DNASE1: variants seen among roughly 807,000 people sequenced by gnomAD.
DNASE1 encodes deoxyribonuclease 1.
In DNASE1, 40 loss-of-function variants were observed where a neutral mutation model predicts 33.9. The observed-to-expected ratio is 1.18, with a 90% CI of 0.92 to 1.54. DNASE1 has a LOEUF of 1.54. DNASE1 is among the 40% of genes most tolerant of loss of function. The pLI, the probability that DNASE1 is intolerant of heterozygous loss-of-function variation, is 0.00. For synonymous variants in DNASE1, 216 were observed against 160.0 expected (o/e 1.35, Z -2.64); for missense variants, 518 against 372.6 (o/e 1.39, Z -3.21).
At chr16:3,625,415 C>T (rs1323422003) in intron 1 of DNASE1, among the ~76,000 whole-genome samples, 1 of 151,990 alleles carries the variant, frequency 6.6e-6, no homozygotes, top group African/African-American at 2.4e-5. Flanking sequence ...GCCCATGGTT[C>T]AAGGCCAGCC....
intron 1 of DNASE1, among the ~76,000 whole-genome samples, chr16:3,623,583 C>G (rs1444099236): frequency 6.6e-6 from 1 of 151,852 alleles, no homozygotes; most frequent in African/African-American, 2.4e-5. Flanking sequence ...AAGCCTCTGG[C>G]AAAGGACTAA....
downstream of DNASE1, chr16:3,658,300 A>T: frequency 2.4e-6 from 3 of 1,251,754 alleles, no homozygotes; most frequent in Non-Finnish European, 3.4e-6. Flanking sequence ...TTTTTGAGAC[A>T]GAGTCTCACT....
upstream of DNASE1, chr16:3,653,329 A>T (rs1363024822): frequency 1.3e-5 from 2 of 152,308 alleles, no homozygotes; most frequent in East Asian, 3.9e-4. Context: ...TTTTGAGAGG[A>T]TCCATTTCTG....
chr16:3,654,352 C>G (rs17136470), upstream of DNASE1: 1 of 398,820 alleles, frequency 2.5e-6, no homozygotes, highest in Admixed American at 4.4e-5. Flanking sequence ...CTGCTTGTTC[C>G]GAGCTCCCCA....
At chr16:3,640,015 G>C (rs540677665), upstream of DNASE1, among the ~76,000 whole-genome samples, 130 of 152,342 alleles carry the variant, frequency 8.5e-4, no homozygotes, top group Non-Finnish European at 1.5e-3. Context: ...AGAGACTTCT[G>C]AACTTTTCAG....
chr16:3,657,895 CTTGCCTGCAGGCCCAA>C lies in DNASE1; in HGVS notation c.802-10_807del. 6.2e-7 allele frequency: 1 copy of C among 1,614,064 alleles called. No individual in the cohort carries two copies. The highest frequency in any genetic ancestry group is 8.5e-7 in the Non-Finnish European group (1 of 1,180,022). On this transcript the variant is annotated splice_acceptor_variant and splice_polypyrimidine_tract_variant and coding_sequence_variant and intron_variant, in exon 9 of 9. Coordinates refer to ENST00000246949, the MANE Select transcript of DNASE1 (RefSeq NM_005223.4). LOFTEE classifies it high-confidence loss of function. ...AGGCTCAGCCCAGACCCTGTGCCCA[CTTGCCTGCAGGCCCAA>C]GCCATCAGTGACCACTATCCAGTGG...
chr16:3,663,692 T>G, exon 10 of DNASE1: 1 of 1,165,744 alleles, frequency 8.6e-7, no homozygotes, highest in Non-Finnish European at 1.2e-6. Flanking sequence ...GCAGTTGGGG[T>G]TCCTAGGCCT....
chr16:3,658,757 T>TG, downstream of DNASE1: 1 of 1,594,166 alleles, frequency 6.3e-7, no homozygotes, highest in African/African-American at 1.3e-5. Flanking sequence ...GCTGGTAGCC[T>TG]GGGTCCCTGC....
exon 10 of DNASE1, chr16:3,664,500 T>G: frequency 6.4e-7 from 1 of 1,569,666 alleles, no homozygotes; most frequent in Admixed American, 2.0e-5. Context: ...TCCAGGCCCA[T>G]GGGCTCAATG....
exon 10 of DNASE1, chr16:3,664,556 T>A: frequency 7.5e-7 from 1 of 1,338,500 alleles, no homozygotes; most frequent in South Asian, 1.4e-5. Flanking sequence ...CATGGCCTCC[T>A]GGCACTCCAG....
chr16:3,621,301 G>C (rs1207572741), intron 1 of DNASE1, among the ~76,000 whole-genome samples: 1 of 152,132 alleles, frequency 6.6e-6, no homozygotes, highest in Non-Finnish European at 1.5e-5. Context: ...TGCCCAGGCT[G>C]ATCTTAAACT....
chr16:3,638,529 G>A (rs192955866), upstream of DNASE1, among the ~76,000 whole-genome samples: 15 of 152,242 alleles, frequency 9.9e-5, no homozygotes, highest in African/African-American at 1.4e-4. Flanking sequence ...TAGTAGAGAC[G>A]GTGTTTCACC....
upstream of DNASE1, chr16:3,653,765 TTAC>T (rs1443945764): frequency 7.8e-6 from 1 of 128,512 alleles, no homozygotes; most frequent in African/African-American, 3.1e-5. Context: ...CGAGATAGTA[TTAC>T]TGCACTCCAG....
At chr16:3,625,094 G>A (rs972783211) in intron 1 of DNASE1, among the ~76,000 whole-genome samples, 5 of 152,082 alleles carry the variant, frequency 3.3e-5, no homozygotes, top group Admixed American at 2.6e-4. Context: ...ATCACCTGAG[G>A]TTGGGAGTTC....
chr16:3,612,089 T>G (rs987577238), intron 1 of DNASE1: 4 of 152,062 alleles, frequency 2.6e-5, no homozygotes, highest in Admixed American at 2.6e-4. Flanking sequence ...TTCAGGTGCC[T>G]GGAGGGGATG....
chr16:3,660,563 T>C (rs543936622), downstream of DNASE1: 13 of 152,308 alleles, frequency 8.5e-5, no homozygotes, highest in African/African-American at 3.1e-4. Context: ...AGTGACCTGG[T>C]GTCCGCCTCA....
chr16:3,624,140 G>A (rs980682882), intron 1 of DNASE1, among the ~76,000 whole-genome samples: 8 of 151,846 alleles, frequency 5.3e-5, no homozygotes, highest in African/African-American at 9.7e-5. Context: ...AGCTGGGCGC[G>A]GTAGTGCACG....
chr16:3,662,187 G>T, downstream of DNASE1: 1 of 1,573,804 alleles, frequency 6.4e-7, no homozygotes. Flanking sequence ...TGAGAGGGCT[G>T]GCAGGATCTT....
chr16:3,637,723 GA>G (rs1249984879), intron 1 of DNASE1, among the ~76,000 whole-genome samples: 1 of 152,296 alleles, frequency 6.6e-6, no homozygotes, highest in Admixed American at 6.5e-5. Context: ...CCAGAAGTAT[GA>G]GAGGATCTTT....
Sources: allele counts gnomAD v4.1 joint callset (sites outside exome capture counted in the v4.1 genomes callset), GRCh38; gene constraint gnomAD v4.1.1; transcripts MANE v1.5; gene names NCBI Gene and HGNC (gene_info 2026-07-23, HGNC 2026-07-21).